LDLRAD1: variants seen among roughly 807,000 people sequenced by gnomAD.
The protein encoded by LDLRAD1 is low-density lipoprotein receptor class A domain-containing protein 1.
LDLRAD1 carries 17 observed loss-of-function variants against 24.8 expected under a neutral mutation model. The observed-to-expected ratio is 0.69, with a 90% CI of 0.47 to 1.03. LDLRAD1 has a LOEUF of 1.03. Among genes scored for constraint, LDLRAD1 ranks in the 50% least tolerant of loss-of-function variants. LDLRAD1 has a pLI of 0.00. For missense variants in LDLRAD1, 277 were observed against 271.0 expected, an observed-to-expected ratio of 1.02 and a Z score of -0.16; for synonymous variants, 103 against 108.2, an observed-to-expected ratio of 0.95 and a Z score of 0.30.
chr1:54,013,713 T>C (rs1656163239), intron 3 of LDLRAD1, among the ~76,000 whole-genome samples: 1 of 152,134 alleles, frequency 6.6e-6, no homozygotes, highest in Admixed American at 6.5e-5. Context: ...GGCTAGACTC[T>C]CAGGGCTCCC....
chr1:54,011,183 A>G (rs958206221), intron 4 of LDLRAD1, among the ~76,000 whole-genome samples: 1 of 152,090 alleles, frequency 6.6e-6, no homozygotes, highest in Non-Finnish European at 1.5e-5. Flanking sequence ...GAGAAGAGAA[A>G]CCTCATGGAG....
In LDLRAD1 at chr1:54,018,155, G is replaced by A; in HGVS notation, c.-43C>T. On this transcript the variant is annotated 5_prime_UTR_variant, in exon 1 of 6. Transcript: ENST00000371360. ...GCCCGACTGGGGCTGTGTGCAGAGAGCTCAGCACGGGTTCCCTGCATTGTC... is the reference window on the plus strand; with the variant it reads ...GCCCGACTGGGGCTGTGTGCAGAGAACTCAGCACGGGTTCCCTGCATTGTC... 5 of 1,611,932 alleles carry A rather than the reference G, an allele frequency of 3.1e-6. No individual in the cohort carries two copies. Among genetic ancestry groups the A allele is most frequent in the Non-Finnish European group, 4.2e-6 (5 of 1,178,900 alleles).
At chr1:54,012,499 C>T (rs765451571) in intron 3 of LDLRAD1, among the ~76,000 whole-genome samples, 18 of 152,166 alleles carry the variant, frequency 1.2e-4, no homozygotes, top group Non-Finnish European at 2.4e-4. Flanking sequence ...TTGTTTGCAA[C>T]ATGGGAATCA....
At chr1:54,009,492 C>A (rs779838407) in intron 5 of LDLRAD1, among the ~76,000 whole-genome samples, 6 of 152,146 alleles carry the variant, frequency 3.9e-5, no homozygotes, top group Non-Finnish European at 5.9e-5. Context: ...TGCTCCTAGC[C>A]TTCTCTCCTC....
rs955580498 is a variant in LDLRAD1 at position 54,014,361 on chromosome 1, C to T, written c.77G>A (p.Gly26Asp). 4 of 1,547,898 alleles carry T rather than the reference C, an allele frequency of 2.6e-6. No individual in the cohort carries two copies. The South Asian group carries it at 3.6e-5, about 14-fold the overall frequency. The change falls in exon 3 of 6, where the codon GGC becomes GAC. Residue 26 changes from glycine (G) to aspartate (D), a missense_variant. Physicochemically the swap from Gly to Asp is moderately conservative, Grantham distance 94. Coordinates refer to ENST00000371360, the MANE Select transcript of LDLRAD1 (RefSeq NM_001010978.4). ...ACGTGAGCAGCAGAGGTGGCCGCCG[C>T]CTGCTGTGTGGGGGGGAAACAAGCC... is the stretch of plus-strand genomic sequence containing the variant. The part of the protein sequence containing the change: ...ESKAHPGGEA[G>D]GGHLCCSRRG...
At chr1:54,014,478 A>G in intron 2 of LDLRAD1, 114 bp from the exon 3 acceptor site, 1 of 1,051,712 alleles carries the variant, frequency 9.5e-7, no homozygotes, top group Non-Finnish European at 1.4e-6. Flanking sequence ...CACGAGGGTG[A>G]GCAGAGCAGG....
chr1:54,017,386 A>T lies in LDLRAD1; in HGVS notation c.63T>A (p.Pro21=). 6.2e-7 allele frequency: 1 copy of T among 1,602,960 alleles called. No individual in the cohort carries two copies. Residue 21 remains proline, a synonymous_variant, in exon 2 of 6, where the codon CCT becomes CCA. Transcript: ENST00000371360. ...CCTCCAGTTCTTTACCTTCCCCTCC[A>T]GGGTGGGCTTTGGATTCAGCAGCAG... ...GYTAAESKAH[P]GGEAGGGHLC...
At chr1:54,012,352 T>C in intron 3 of LDLRAD1, 72 bp from the exon 4 acceptor site, 2 of 1,549,238 alleles carry the variant, frequency 1.3e-6, no homozygotes, top group Non-Finnish European at 1.8e-6. Flanking sequence ...TCACCTGAAC[T>C]CCGCCTAGAG....
chr1:54,012,975 G>A (rs79607349), intron 3 of LDLRAD1, among the ~76,000 whole-genome samples: 498 of 152,254 alleles, frequency 3.3e-3, no homozygotes, highest in African/African-American at 0.011. Context: ...AATTGGGGAT[G>A]GGAGCCAGTT....
chr1:54,014,446 C>A, intron 2 of LDLRAD1, 82 bp from the exon 3 acceptor site: 2 of 1,326,372 alleles, frequency 1.5e-6, no homozygotes, highest in South Asian at 1.3e-5. Flanking sequence ...TCCGCCCTGC[C>A]CGCTGCAAGC....
intron 1 of LDLRAD1, 68 bp downstream of exon 1, chr1:54,018,024 C>T (rs1656386238): frequency 7.1e-7 from 1 of 1,407,134 alleles, no homozygotes; most frequent in Non-Finnish European, 1.0e-6. Flanking sequence ...CAGCTCTCAC[C>T]TGGGGACAGC....
chr1:54,010,312 A>C lies in LDLRAD1; in HGVS notation c.439T>G (p.Cys147Gly). The change falls in exon 5 of 6, where the codon TGC becomes GGC. Residue 147 changes from cysteine to glycine, a missense_variant. By Grantham distance (159) the Cys-to-Gly change is radical. Transcript: ENST00000371360. ...SDQKCDGTNN[C>G]GDCSDELSPV... ...CTCAGTTCATCTGAACAGTCCCCGC[A>C]GTTGTTAGTGCCATCACATTTTTGG... 6.2e-7 allele frequency: 1 copy of C among 1,614,032 alleles called. No homozygotes were observed. The highest frequency in any genetic ancestry group is 8.5e-7 in the Non-Finnish European group (1 of 1,179,996).
At chr1:54,014,944 CA>C (rs1656239481) in intron 2 of LDLRAD1, among the ~76,000 whole-genome samples, 1 of 152,232 alleles carries the variant, frequency 6.6e-6, no homozygotes, top group Admixed American at 6.5e-5. Context: ...ACCTGGGCCA[CA>C]CTGAGTAAGC....
chr1:54,014,416 T>C (rs1656210491), intron 2 of LDLRAD1, 52 bp from the exon 3 acceptor site: 2 of 1,443,082 alleles, frequency 1.4e-6, no homozygotes, highest in Non-Finnish European at 1.9e-6. Context: ...GGGCCAGCGC[T>C]AGGAACAGGG....
At position 54,014,396 on chromosome 1, in the gene LDLRAD1, T is replaced by C; in HGVS notation, c.74-32A>G. ...GGGGGGGAAACAAGCCCGGGGGTGG[T>C]GGTGATAGGGGGCCAGCGCTAGGAA... On this transcript the variant is annotated intron_variant, in intron 2 of 5. Transcript: ENST00000371360. 3 of 1,391,614 alleles carry C rather than the reference T, an allele frequency of 2.2e-6. No homozygotes were observed. In the South Asian group the frequency reaches 3.7e-5, roughly 17 times the overall value. The allele number at this position is 1,391,614 out of a possible 1,614,324, so 86.2% of individuals were successfully genotyped here. A position where few individuals can be genotyped will look rare whatever the true frequency, so the allele number is the denominator to read the frequency against.
intron 3 of LDLRAD1, among the ~76,000 whole-genome samples, chr1:54,012,770 G>A (rs1254389846): frequency 5.9e-5 from 9 of 151,972 alleles, no homozygotes; most frequent in Admixed American, 1.3e-4. Flanking sequence ...CTTCTATCTG[G>A]GCACAACTGC....
Position 54,010,266 on chromosome 1 carries a change from G to A in LDLRAD1, c.469+16C>T. 1 of 1,613,622 alleles carries A rather than the reference G, an allele frequency of 6.2e-7. No homozygotes were observed. The highest frequency in any genetic ancestry group is 8.5e-7 in the Non-Finnish European group (1 of 1,179,780). ...CTGGACACCAGCCCCAGCCCAGCCTGTGCCCAGACCCCTACCTGGGCTCAG... is the reference window on the plus strand; with the variant it reads ...CTGGACACCAGCCCCAGCCCAGCCTATGCCCAGACCCCTACCTGGGCTCAG... On this transcript the variant is annotated intron_variant, in intron 5 of 5. Transcript: ENST00000371360.
chr1:54,012,687 G>A lies in LDLRAD1; in HGVS notation c.203-407C>T, dbSNP rs192834168. ...ATTCAGTGAAGTGGTTTTAATGGTG[G>A]AGCTCCTGGTACCAGGTTAGAGTGT... On this transcript the variant is annotated intron_variant, in intron 3 of 5. Transcript: ENST00000371360. Among the ~76,000 whole-genome samples the A allele has an allele frequency of 2.2e-3, 335 of 152,264 alleles. 2 individuals are homozygous for A. Among genetic ancestry groups the A allele is most frequent in the Middle Eastern group, 0.01 (3 of 294 alleles).
chr1:54,017,179 T>C (rs977325895), intron 2 of LDLRAD1, among the ~76,000 whole-genome samples, 197 bp downstream of exon 2: 1 of 152,236 alleles, frequency 6.6e-6, no homozygotes, highest in Non-Finnish European at 1.5e-5. Flanking sequence ...TGCATGTGCA[T>C]GGAGAGAATG....
Sources: allele counts gnomAD v4.1 joint callset (sites outside exome capture counted in the v4.1 genomes callset), GRCh38; gene constraint gnomAD v4.1.1; transcripts MANE v1.5; gene names NCBI Gene and HGNC (gene_info 2026-07-23, HGNC 2026-07-21).